SLC22A3: variants seen among roughly 807,000 people sequenced by gnomAD.
SLC22A3 encodes the protein solute carrier family 22 member 3, also known as EMT organic cation transporter 3.
Under a neutral mutation model 59.1 loss-of-function variants are expected in SLC22A3, and 51 were observed. The ratio of observed to expected loss-of-function variants is 0.86; its 90% confidence interval spans 0.69 to 1.09. SLC22A3 has a LOEUF of 1.09. SLC22A3 is among the 50% of genes least tolerant of loss of function. SLC22A3 has a pLI of 0.00. For missense variants in SLC22A3, 711 were observed against 726.3 expected (o/e 0.98, Z 0.24); for synonymous variants, 325 against 292.0 (o/e 1.11, Z -1.15).
chr6:160,348,986 C>A, intron 1 of SLC22A3, 138 bp downstream of exon 1: 2 of 1,507,808 alleles, frequency 1.3e-6, no homozygotes, highest in Non-Finnish European at 8.8e-7. Context: ...TGGGGACAGA[C>A]AGGATTCAGC....
At chr6:160,356,577 G>T (rs1784848821) in intron 1 of SLC22A3, among the ~76,000 whole-genome samples, 1 of 152,244 alleles carries the variant, frequency 6.6e-6, no homozygotes, top group African/African-American at 2.4e-5. Flanking sequence ...TGAAGGGCCT[G>T]GGCTGAGCAG....
In SLC22A3 at chr6:160,397,971, T is replaced by G. The variant is rs776586455; in HGVS notation, c.430-8T>G. ...ATGTCTCCATGTGTGTTTTCTTTGT[T>G]TTCTCAGTTTGACCTTGTCTGTGTC... is the stretch of plus-strand genomic sequence containing the variant. On this transcript the variant is annotated splice_polypyrimidine_tract_variant and splice_region_variant and intron_variant, in intron 1 of 10. Transcript: ENST00000275300. 11 of 1,609,736 alleles carry G rather than the reference T, an allele frequency of 6.8e-6. No homozygotes were observed. Among genetic ancestry groups the G allele is most frequent in the Non-Finnish European group, 9.4e-6 (11 of 1,176,382 alleles).
chr6:160,381,011 C>G (rs1785776380), intron 1 of SLC22A3, among the ~76,000 whole-genome samples: 2 of 152,080 alleles, frequency 1.3e-5, no homozygotes, highest in Admixed American at 6.6e-5. Context: ...GCCAGTGCAG[C>G]CGAGAAGGTG....
chr6:160,411,547 G>C (rs1787248488), intron 5 of SLC22A3, among the ~76,000 whole-genome samples: 1 of 152,030 alleles, frequency 6.6e-6, no homozygotes, highest in Non-Finnish European at 1.5e-5. Context: ...GACCAGCCTG[G>C]GCAACATAGC....
chr6:160,385,749 G>A (rs958513576), intron 1 of SLC22A3, among the ~76,000 whole-genome samples: 4 of 152,166 alleles, frequency 2.6e-5, no homozygotes, highest in African/African-American at 9.7e-5. Flanking sequence ...TACCTCCCTC[G>A]CAGGCTCTCT....
intron 1 of SLC22A3, among the ~76,000 whole-genome samples, chr6:160,349,213 T>C (rs927603217): frequency 6.6e-6 from 1 of 152,140 alleles, no homozygotes; most frequent in Non-Finnish European, 1.5e-5. Context: ...TTGGAAATTA[T>C]GGTTAGGTGC....
At chr6:160,353,642 T>C (rs1784732806) in intron 1 of SLC22A3, among the ~76,000 whole-genome samples, 1 of 152,134 alleles carries the variant, frequency 6.6e-6, no homozygotes, top group South Asian at 2.1e-4. Flanking sequence ...TTATTTTCTC[T>C]GCACCCATTT....
intron 1 of SLC22A3, among the ~76,000 whole-genome samples, chr6:160,353,428 G>A (rs748489040): frequency 6.6e-6 from 1 of 152,262 alleles, no homozygotes; most frequent in African/African-American, 2.4e-5. Context: ...TCAAAACAGC[G>A]TGAAGCTTGG....
At chr6:160,436,967 G>C in intron 6 of SLC22A3, 30 bp from the exon 7 acceptor site, 2 of 1,613,548 alleles carry the variant, frequency 1.2e-6, no homozygotes, top group African/African-American at 1.3e-5. Flanking sequence ...TCTCTTACTT[G>C]TTCTCTGGTG....
At chr6:160,375,347 GAC>G (rs1785551525) in intron 1 of SLC22A3, among the ~76,000 whole-genome samples, 1 of 152,182 alleles carries the variant, frequency 6.6e-6, no homozygotes, top group Non-Finnish European at 1.5e-5. Flanking sequence ...CTGCCAAGGA[GAC>G]ACTCTATTCC....
chr6:160,404,424 TAATGA>T (rs1786920045), intron 2 of SLC22A3, among the ~76,000 whole-genome samples: 1 of 152,118 alleles, frequency 6.6e-6, no homozygotes, highest in Admixed American at 6.5e-5. Flanking sequence ...TGCAAAACTC[TAATGA>T]AAGAAATTAG....
intron 2 of SLC22A3, among the ~76,000 whole-genome samples, chr6:160,401,790 T>C (rs961793998): frequency 6.6e-6 from 1 of 151,978 alleles, no homozygotes; most frequent in African/African-American, 2.4e-5. Flanking sequence ...ACAGTGTTAT[T>C]TGAAAGTGGA....
chr6:160,429,391 C>T (rs1256518183), intron 5 of SLC22A3, among the ~76,000 whole-genome samples: 1 of 152,150 alleles, frequency 6.6e-6, no homozygotes, highest in Non-Finnish European at 1.5e-5. Flanking sequence ...CAGACGAAAT[C>T]ACAAGGCTAG....
chr6:160,352,107 G>A (rs1784681316), intron 1 of SLC22A3, among the ~76,000 whole-genome samples: 1 of 152,246 alleles, frequency 6.6e-6, no homozygotes, highest in African/African-American at 2.4e-5. Flanking sequence ...GGGAGGCTGT[G>A]CTTTCATTTG....
chr6:160,386,596 G>T (rs1342684082), intron 1 of SLC22A3, among the ~76,000 whole-genome samples: 1 of 152,328 alleles, frequency 6.6e-6, no homozygotes, highest in East Asian at 1.9e-4. Context: ...GGGAAGGGGA[G>T]TGGGGCAGAG....
At chr6:160,403,063 C>T (rs569129396) in intron 2 of SLC22A3, among the ~76,000 whole-genome samples, 1 of 149,516 alleles carries the variant, frequency 6.7e-6, no homozygotes, top group South Asian at 2.1e-4. Flanking sequence ...AAATTAGAAA[C>T]AGGAAATCAA....
chr6:160,391,348 T>C (rs1786248870), intron 1 of SLC22A3, among the ~76,000 whole-genome samples: 1 of 152,172 alleles, frequency 6.6e-6, no homozygotes, highest in South Asian at 2.1e-4. Flanking sequence ...CTCAAGTAAT[T>C]CTATATATAT....
intron 5 of SLC22A3, among the ~76,000 whole-genome samples, chr6:160,430,715 A>T (rs574005808): frequency 6.6e-6 from 1 of 152,348 alleles, no homozygotes; most frequent in African/African-American, 2.4e-5. Context: ...GAGAGTGTCG[A>T]TACTAGGCAA....
At chr6:160,380,711 A>C (rs1051566565) in intron 1 of SLC22A3, among the ~76,000 whole-genome samples, 1 of 152,188 alleles carries the variant, frequency 6.6e-6, no homozygotes, top group Non-Finnish European at 1.5e-5. Flanking sequence ...TAATCTTTTT[A>C]AAATTATTTG....
Sources: allele counts gnomAD v4.1 joint callset (sites outside exome capture counted in the v4.1 genomes callset), GRCh38; gene constraint gnomAD v4.1.1; transcripts MANE v1.5; gene names NCBI Gene and HGNC (gene_info 2026-07-23, HGNC 2026-07-21).